Variants in MAP10 observed in about 807,000 individuals in gnomAD.
The protein encoded by MAP10 is microtubule-associated protein 10.
MAP10 carries 10 observed loss-of-function variants against 6.3 expected under a neutral mutation model. The observed-to-expected ratio is 1.58, with a 90% CI of 0.98 to 2.69. The LOEUF (loss-of-function observed/expected upper bound fraction) is 2.69, where lower values mean the gene tolerates loss of function less well. Among genes scored for constraint, MAP10 ranks in the 30% most tolerant of loss-of-function variants. The pLI, the probability that MAP10 is intolerant of heterozygous loss-of-function variation, is 0.00. For missense variants in MAP10, 1,189 were observed against 1,086.5 expected, an observed-to-expected ratio of 1.09 and a Z score of -1.33; for synonymous variants, 459 against 429.3, an observed-to-expected ratio of 1.07 and a Z score of -0.86.
In MAP10 at chr1:232,807,723, G is replaced by T; in HGVS notation, c.2274G>T (p.Arg758Ser). Residue 758 changes from arginine to serine, a missense_variant, in exon 1 of 1, where the codon AGG becomes AGT. Arg to Ser is a moderately radical substitution (Grantham distance 110, BLOSUM62 -1). Coordinates refer to ENST00000418460, the MANE Select transcript of MAP10 (RefSeq NM_019090.3). ...CCAAAAAGAAAAATAGTAGTGACAG[G>T]AGTTCTATCCTTAGCCCACCTTTTT... is the stretch of plus-strand genomic sequence containing the variant. ...GVSKKKNSSDRSSILSPPFSA... is the reference protein window; with the variant it reads ...GVSKKKNSSDSSSILSPPFSA... The T allele has an allele frequency of 6.2e-7, 1 of 1,613,654 alleles. No homozygotes were observed. The highest frequency in any genetic ancestry group is 8.5e-7 in the Non-Finnish European group (1 of 1,179,728).
In MAP10 at chr1:232,806,939, A is replaced by C; in HGVS notation, c.1490A>C (p.Tyr497Ser). The change falls in exon 1 of 1, where the codon TAT (tyrosine) becomes TCT (serine). Residue 497 changes from tyrosine (Y) to serine (S), a missense_variant. By Grantham distance (144) the Tyr-to-Ser change is moderately radical (BLOSUM62 -2). Transcript: ENST00000418460. Reference protein sequence around the residue: ...HKRVPKGRLLYGLTNTLRLRL... With the variant: ...HKRVPKGRLLSGLTNTLRLRL... The stretch of plus-strand genomic sequence containing the variant: ...AGAGTTCCAAAAGGGAGGCTACTTT[A>C]TGGCTTAACAAATACACTAAGACTA... 1 of 1,609,666 alleles carries C rather than the reference A, an allele frequency of 6.2e-7. No individual in the cohort carries two copies. The highest frequency in any genetic ancestry group is 8.5e-7 in the Non-Finnish European group (1 of 1,178,876).
In MAP10 at chr1:232,807,254, C is replaced by T. The variant is rs774582790; in HGVS notation, c.1805C>T (p.Thr602Ile). ...CTGAAATATGCAACTGAAAAAAAGACAGTTGATTGTAGTAAAAATAGAATC... is the reference window on the plus strand; with the variant it reads ...CTGAAATATGCAACTGAAAAAAAGATAGTTGATTGTAGTAAAAATAGAATC... ...TKLKYATEKK[T>I]VDCSKNRINN... Residue 602 changes from threonine to isoleucine, a missense_variant, in exon 1 of 1, where the codon ACA (threonine) becomes ATA (isoleucine). Physicochemically the swap from Thr to Ile is moderately conservative, Grantham distance 89. Transcript: ENST00000418460. 1.4e-5 allele frequency: 23 copies of T among 1,612,824 alleles called. No homozygotes were observed. In the African/African-American group the frequency reaches 2.9e-4, roughly 21 times the overall value.
At position 232,807,924 on chromosome 1, in the gene MAP10, A is replaced by C; in HGVS notation, c.2475A>C (p.Arg825Ser). Residue 825 changes from arginine to serine, a missense_variant, in exon 1 of 1, where the codon AGA (arginine) becomes AGC (serine). Coordinates refer to ENST00000418460, the MANE Select transcript of MAP10 (RefSeq NM_019090.3). ...TGCACAATTCTGAAATTACAAAGAGAGCTCAAGACATCTCTGTTAAAACAA... is the reference window on the plus strand; with the variant it reads ...TGCACAATTCTGAAATTACAAAGAGCGCTCAAGACATCTCTGTTAAAACAA... ...NSMHNSEITKRAQDISVKTRS... is the reference protein window; with the variant it reads ...NSMHNSEITKSAQDISVKTRS... 2 of 1,613,030 alleles carry C rather than the reference A, an allele frequency of 1.2e-6. No individual in the cohort carries two copies. The highest frequency in any genetic ancestry group is 1.7e-6 in the Non-Finnish European group (2 of 1,179,624).
At position 232,806,350 on chromosome 1, in the gene MAP10, C is replaced by A; in HGVS notation, c.901C>A (p.Pro301Thr). The A allele has an allele frequency of 6.2e-7, 1 of 1,613,810 alleles. No individual in the cohort carries two copies. Among genetic ancestry groups the A allele is most frequent in the Non-Finnish European group, 8.5e-7 (1 of 1,179,860 alleles). Residue 301 changes from proline (P) to threonine (T), a missense_variant, in exon 1 of 1, where the codon CCT (proline) becomes ACT (threonine). Physicochemically the swap from Pro to Thr is conservative, Grantham distance 38 (BLOSUM62 -1). Transcript: ENST00000418460. Reference sequence around the variant, plus strand: ...GGACATGGAGACCAATATATTTTGCCCTCCTCCTTTGTATTACACTAACTT... The same window carrying A: ...GGACATGGAGACCAATATATTTTGCACTCCTCCTTTGTATTACACTAACTT... Reference protein sequence around the residue: ...ELDMETNIFCPPPLYYTNLTQ... With the variant: ...ELDMETNIFCTPPLYYTNLTQ...
Position 232,807,442 on chromosome 1 carries a change from G to A in MAP10, c.1993G>A (p.Asp665Asn), listed in dbSNP as rs752431085. The A allele has an allele frequency of 5.0e-6, 8 of 1,613,700 alleles. No homozygotes were observed. The South Asian group carries it at 7.7e-5, about 16-fold the overall frequency. ...VVDRIVDKEI[D>N]IRQVKTTDND... Reference sequence around the variant, plus strand: ...TGACAGAATTGTAGATAAGGAAATAGATATTAGACAGGTCAAAACCACAGA... The same window carrying A: ...TGACAGAATTGTAGATAAGGAAATAAATATTAGACAGGTCAAAACCACAGA... The change falls in exon 1 of 1, where the codon GAT becomes AAT. Residue 665 changes from aspartate to asparagine, a missense_variant. Asp to Asn is a conservative substitution (Grantham distance 23). Transcript: ENST00000418460.
rs1390046394 is a variant in MAP10 at position 232,805,784 on chromosome 1, C to G, written c.335C>G (p.Pro112Arg). The G allele has an allele frequency of 6.3e-7, 1 of 1,598,996 alleles. No individual in the cohort carries two copies. The highest frequency in any genetic ancestry group is 1.7e-5 in the Admixed American group (1 of 59,162). The change falls in exon 1 of 1, where the codon CCG becomes CGG. Residue 112 changes from proline (P) to arginine (R), a missense_variant. Pro to Arg is a moderately radical substitution (Grantham distance 103). Transcript: ENST00000418460. The part of the protein sequence containing the change: ...ATLHCRLLRT[P>R]LATLLLQLPP... Reference sequence around the variant, plus strand: ...CTGCACTGCCGGCTCCTGCGGACCCCGCTTGCCACCTTGCTGCTGCAGCTG... The same window carrying G: ...CTGCACTGCCGGCTCCTGCGGACCCGGCTTGCCACCTTGCTGCTGCAGCTG...
Position 232,806,909 on chromosome 1 carries a change from A to G in MAP10, c.1460A>G (p.His487Arg), listed in dbSNP as rs1313825122. ...TCTGAAAAGAGCAGTGGTGCCCTCC[A>G]TAAAAGAGTTCCAAAAGGGAGGCTA... The part of the protein sequence containing the change: ...KYSEKSSGAL[H>R]KRVPKGRLLY... Residue 487 changes from histidine to arginine, a missense_variant, in exon 1 of 1, where the codon CAT (histidine) becomes CGT (arginine). His to Arg is a conservative substitution (Grantham distance 29, BLOSUM62 0). Coordinates refer to ENST00000418460, the MANE Select transcript of MAP10 (RefSeq NM_019090.3). 6 of 1,608,070 alleles carry G rather than the reference A, an allele frequency of 3.7e-6. No homozygotes were observed. In the Admixed American group the frequency reaches 8.5e-5, roughly 23 times the overall value.
At position 232,807,985 on chromosome 1, in the gene MAP10, C is replaced by T; in HGVS notation, c.2536C>T (p.Pro846Ser). 1 of 1,613,406 alleles carries T rather than the reference C, an allele frequency of 6.2e-7. No homozygotes were observed. Among genetic ancestry groups the T allele is most frequent in the South Asian group, 1.1e-5 (1 of 90,926 alleles). ...SWKSLEKSQS[P>S]QTSQVSSYLP... ...GAAATCTTTAGAAAAAAGCCAGTCA[C>T]CACAAACATCCCAGGTGAGTTCTTA... Residue 846 changes from proline to serine, a missense_variant, in exon 1 of 1, where the codon CCA becomes TCA. Coordinates refer to ENST00000418460, the MANE Select transcript of MAP10 (RefSeq NM_019090.3).
rs754552405 is a variant in MAP10, at chr1:232,806,814, G to T, written c.1365G>T (p.Gly455=). Residue 455 remains glycine, a synonymous_variant, in exon 1 of 1, where the codon GGG becomes GGT. Coordinates refer to ENST00000418460, the MANE Select transcript of MAP10 (RefSeq NM_019090.3). The part of the protein sequence containing the change: ...SEAKKDKRSV[G]GCEKSVSLQY... ...CCAAGAAGGATAAGCGTTCTGTGGG[G>T]GGATGTGAAAAGTCAGTGAGTCTTC... The T allele has an allele frequency of 1.2e-6, 2 of 1,613,214 alleles. No individual in the cohort carries two copies. Among genetic ancestry groups the T allele is most frequent in the East Asian group, 4.5e-5 (2 of 44,876 alleles).
At position 232,807,021 on chromosome 1, in the gene MAP10, T is replaced by C. The variant is rs563020437; in HGVS notation, c.1572T>C (p.Tyr524=). 14 of 1,613,004 alleles carry C rather than the reference T, an allele frequency of 8.7e-6. No homozygotes were observed. Among genetic ancestry groups the C allele is most frequent in the African/African-American group, 5.3e-5 (4 of 74,956 alleles). ...TGGTACATGAAAAAAGAGAACTATA[T>C]AGAAAAAGACAATCACAAATGTTGG... ...MLVVHEKREL[Y]RKRQSQMLGT... Residue 524 remains tyrosine (Y), a synonymous_variant, in exon 1 of 1, where the codon TAT becomes TAC. Coordinates refer to ENST00000418460, the MANE Select transcript of MAP10 (RefSeq NM_019090.3).
In MAP10 at chr1:232,806,099, A is replaced by C. The variant is rs758338888; in HGVS notation, c.650A>C (p.Gln217Pro). 2 of 1,613,986 alleles carry C rather than the reference A, an allele frequency of 1.2e-6. No individual in the cohort carries two copies. The highest frequency in any genetic ancestry group is 2.7e-5 in the African/African-American group (2 of 75,048). Residue 217 changes from glutamine (Q) to proline (P), a missense_variant, in exon 1 of 1, where the codon CAG becomes CCG. Coordinates refer to ENST00000418460, the MANE Select transcript of MAP10 (RefSeq NM_019090.3). ...VSPQTQQERQ[Q>P]LQQPASQPSP... ...CCCCAAACCCAGCAGGAAAGACAGCAGCTGCAGCAGCCAGCCTCACAGCCA... is the reference window on the plus strand; with the variant it reads ...CCCCAAACCCAGCAGGAAAGACAGCCGCTGCAGCAGCCAGCCTCACAGCCA...
At position 232,809,529 on chromosome 1, in the gene MAP10, A is replaced by G. The variant is rs1327341621; in HGVS notation, c.*1362A>G. Among the ~76,000 whole-genome samples the G allele has an allele frequency of 6.6e-6, 1 of 152,106 alleles. No homozygotes were observed. The highest frequency in any genetic ancestry group is 1.5e-5 in the Non-Finnish European group (1 of 67,922). The stretch of plus-strand genomic sequence containing the variant: ...TGATCCACTCATGCTACAGAGTGGT[A>G]GAAAGGACATTTGTTGAGTAAGGAA... On this transcript the variant is annotated 3_prime_UTR_variant, in exon 1 of 1. Transcript: ENST00000418460.
At position 232,806,255 on chromosome 1, in the gene MAP10, CTGT is replaced by C. The variant is rs1666099927; in HGVS notation, c.811_813del (p.Val271del). ...TCTGTGGAGAATGGCAAAACCAATT[CTGT>C]TGTTACATGTTCAGGTGCTGGCAAT... On this transcript the variant is annotated inframe_deletion, in exon 1 of 1. Coordinates refer to ENST00000418460, the MANE Select transcript of MAP10 (RefSeq NM_019090.3). 6.2e-7 allele frequency: 1 copy of C among 1,613,864 alleles called. No individual in the cohort carries two copies. Among genetic ancestry groups the C allele is most frequent in the Admixed American group, 1.7e-5 (1 of 60,006 alleles).
chr1:232,807,505 A>G lies in MAP10; in HGVS notation c.2056A>G (p.Thr686Ala), dbSNP rs748844163. 10 of 1,613,754 alleles carry G rather than the reference A, an allele frequency of 6.2e-6. No individual in the cohort carries two copies. The East Asian group carries it at 6.7e-5, about 11-fold the overall frequency. Reference sequence around the variant, plus strand: ...TATGGCTGATATAAGTGACAAGAGAACAGGTAAAAATAGTTGCTATGAAAA... The same window carrying G: ...TATGGCTGATATAAGTGACAAGAGAGCAGGTAAAAATAGTTGCTATGAAAA... ...ILMADISDKR[T>A]GKNSCYENIS... The change falls in exon 1 of 1, where the codon ACA becomes GCA. Residue 686 changes from threonine (T) to alanine (A), a missense_variant. Physicochemically the swap from Thr to Ala is moderately conservative, Grantham distance 58. Coordinates refer to ENST00000418460, the MANE Select transcript of MAP10 (RefSeq NM_019090.3).
Position 232,805,476 on chromosome 1 carries a change from C to T in MAP10, c.27C>T (p.Leu9=), listed in dbSNP as rs1449846375. ...TGGCGGCCTCGCTGTCCGAGCGGCT[C>T]TTCTCGCTGGAGCTGCTGGTGGACT... is the stretch of plus-strand genomic sequence containing the variant. MAASLSER[L]FSLELLVDWV... The change falls in exon 1 of 1, where the codon CTC becomes CTT. Residue 9 remains leucine, a synonymous_variant. Coordinates refer to ENST00000418460, the MANE Select transcript of MAP10 (RefSeq NM_019090.3). 3.1e-6 allele frequency: 5 copies of T among 1,594,974 alleles called. No homozygotes were observed. Among genetic ancestry groups the T allele is most frequent in the East Asian group, 2.3e-5 (1 of 44,144 alleles).
Position 232,805,672 on chromosome 1 carries a change from C to G in MAP10, c.223C>G (p.Pro75Ala), listed in dbSNP as rs367723585. The G allele has an allele frequency of 1.6e-5, 26 of 1,599,696 alleles. No homozygotes were observed. The African/African-American group carries it at 3.2e-4, about 20-fold the overall frequency. The change falls in exon 1 of 1, where the codon CCC becomes GCC. Residue 75 changes from proline (P) to alanine (A), a missense_variant. Pro to Ala is a conservative substitution (Grantham distance 27). Coordinates refer to ENST00000418460, the MANE Select transcript of MAP10 (RefSeq NM_019090.3). Reference protein sequence around the residue: ...PTLLVYPPDGPGAPAAEPWPG... With the variant: ...PTLLVYPPDGAGAPAAEPWPG... ...GCTGTTGGTTTACCCTCCTGACGGC[C>G]CCGGCGCTCCCGCCGCCGAACCGTG...
the MAP10 span, chr1:232,807,035 C>G: frequency 1.2e-6 from 2 of 1,612,994 alleles, no homozygotes; most frequent in Non-Finnish European, 8.5e-7. Flanking sequence ...AAAAGACAAT[C>G]ACAAATGTTG....
chr1:232,807,171 T>C lies in MAP10; in HGVS notation c.1722T>C (p.Asp574=). The change falls in exon 1 of 1, where the codon GAT becomes GAC. Residue 574 remains aspartate, a synonymous_variant. Transcript: ENST00000418460. Reference sequence around the variant, plus strand: ...ATGCATCTTTCACTGAAAATAGTGATACCTCAAGACAAATCAGTGGAGTTT... The same window carrying C: ...ATGCATCTTTCACTGAAAATAGTGACACCTCAAGACAAATCAGTGGAGTTT... The part of the protein sequence containing the change: ...DSDASFTENS[D]TSRQISGVFD... The C allele has an allele frequency of 1.2e-6, 2 of 1,613,114 alleles. No homozygotes were observed. The highest frequency in any genetic ancestry group is 1.1e-5 in the South Asian group (1 of 90,920).
rs1032896182 is a variant in MAP10 at position 232,806,493 on chromosome 1, C to T, written c.1044C>T (p.His348=). ...AAAAGCGTGTAAATCCCCCAGCACACAGGAGTTGTCTAAAGCATCCAAGTT... is the reference window on the plus strand; with the variant it reads ...AAAAGCGTGTAAATCCCCCAGCACATAGGAGTTGTCTAAAGCATCCAAGTT... The part of the protein sequence containing the change: ...PEKKRVNPPA[H]RSCLKHPSSA... The change falls in exon 1 of 1, where the codon CAC becomes CAT. Residue 348 remains histidine (H), a synonymous_variant. Coordinates refer to ENST00000418460, the MANE Select transcript of MAP10 (RefSeq NM_019090.3). 1.2e-6 allele frequency: 2 copies of T among 1,613,774 alleles called. No homozygotes were observed. The highest frequency in any genetic ancestry group is 2.7e-5 in the African/African-American group (2 of 74,910).
Sources: allele counts gnomAD v4.1 joint callset (sites outside exome capture counted in the v4.1 genomes callset), GRCh38; gene constraint gnomAD v4.1.1; transcripts MANE v1.5; gene names NCBI Gene and HGNC (gene_info 2026-07-23, HGNC 2026-07-21).